ADGRB3: variants seen among roughly 807,000 people sequenced by gnomAD.
ADGRB3 encodes adhesion G protein-coupled receptor B3.
In ADGRB3, 37 loss-of-function variants were observed where a neutral mutation model predicts 193.4. That is an observed-to-expected ratio of 0.19 (90% CI 0.15 to 0.25). The LOEUF is 0.25. Among genes scored for constraint, ADGRB3 ranks in the 10% least tolerant of loss-of-function variants. ADGRB3 has a pLI of 1.00. For synonymous variants in ADGRB3, 690 were observed against 644.2 expected (o/e 1.07, Z -1.08); for missense variants, 1,637 against 1,852.9 (o/e 0.88, Z 2.14).
chr6:69,339,300 A>G (rs1168038131), intron 25 of ADGRB3, 33 bp from the exon 26 acceptor site: 3 of 1,605,936 alleles, frequency 1.9e-6, no homozygotes, highest in Middle Eastern at 1.7e-4. Context: ...TGTGATGTAT[A>G]GCTACGTAAT....
chr6:68,800,070 C>A (rs1443005173), intron 3 of ADGRB3, among the ~76,000 whole-genome samples: 1 of 151,956 alleles, frequency 6.6e-6, no homozygotes, highest in African/African-American at 2.4e-5. Context: ...TAAGAGTGTA[C>A]CCAGAGAGAC....
At chr6:68,871,075 G>A (rs1337100535) in intron 3 of ADGRB3, among the ~76,000 whole-genome samples, 1 of 152,134 alleles carries the variant, frequency 6.6e-6, no homozygotes, top group Non-Finnish European at 1.5e-5. Flanking sequence ...TCTTGAATAT[G>A]AGGAATGTAC....
chr6:69,071,549 T>C (rs1018436362), intron 16 of ADGRB3, among the ~76,000 whole-genome samples: 1 of 152,188 alleles, frequency 6.6e-6, no homozygotes, highest in Non-Finnish European at 1.5e-5. Flanking sequence ...TTTTAAATGC[T>C]TAAAAGTGAG....
At chr6:69,100,905 C>T (rs114245485) in intron 17 of ADGRB3, among the ~76,000 whole-genome samples, 1 of 11,018 alleles carries the variant, frequency 9.1e-5, no homozygotes, top group Non-Finnish European at 1.5e-4. Context: ...AAGGAAGAAG[C>T]GAGGGAGGGA....
chr6:69,276,018 T>C (rs1469398074), intron 20 of ADGRB3, among the ~76,000 whole-genome samples: 1 of 152,202 alleles, frequency 6.6e-6, no homozygotes, highest in Non-Finnish European at 1.5e-5. Context: ...ATTTACTAAG[T>C]TCTTTGGATG....
chr6:69,114,626 GGTTTT>G lies in ADGRB3; in HGVS notation c.2480+38589_2480+38593del, dbSNP rs1161222525. ...TGGTATTGCCTAGGCTTTCTTCTAG[GGTTTT>G]TATGGTTTTAGGTCTTATGTTTAAG... On this transcript the variant is annotated intron_variant, in intron 17 of 31. Coordinates refer to ENST00000370598, the MANE Select transcript of ADGRB3 (RefSeq NM_001704.3). Among the ~76,000 whole-genome samples, 234 of 152,162 alleles carry G rather than the reference GGTTTT, an allele frequency of 1.5e-3. 3 individuals carry two copies. The highest frequency in any genetic ancestry group is 5.2e-3 in the African/African-American group (217 of 41,518).
At chr6:68,709,127 A>C (rs1014232508) in intron 3 of ADGRB3, among the ~76,000 whole-genome samples, 2 of 152,240 alleles carry the variant, frequency 1.3e-5, no homozygotes, top group Non-Finnish European at 2.9e-5. Flanking sequence ...AATTTAAAAC[A>C]GAAGATAATT....
chr6:69,027,573 A>C (rs938358492), intron 13 of ADGRB3, among the ~76,000 whole-genome samples: 6 of 152,238 alleles, frequency 3.9e-5, no homozygotes, highest in Non-Finnish European at 7.3e-5. Context: ...CAGGTGACCA[A>C]AACATCATGT....
intron 13 of ADGRB3, among the ~76,000 whole-genome samples, chr6:69,031,549 CTT>C (rs70987446): frequency 9.9e-4 from 20 of 20,222 alleles, no homozygotes; most frequent in African/African-American, 1.4e-3. Context: ...TTCTTTCTTT[CTT>C]TTTCTTTCTT....
chr6:68,636,958 CAAAAAA>C (rs34410124), intron 1 of ADGRB3, among the ~76,000 whole-genome samples: 1 of 119,662 alleles, frequency 8.4e-6, no homozygotes, highest in Non-Finnish European at 1.7e-5. Flanking sequence ...AGTGCAACAC[CAAAAAA>C]AAAAAAAAAA....
chr6:68,981,742 G>T (rs1254004009), intron 10 of ADGRB3, among the ~76,000 whole-genome samples: 2 of 151,460 alleles, frequency 1.3e-5, no homozygotes, highest in Non-Finnish European at 3.0e-5. Context: ...GATTTGGCCT[G>T]CAGGCTGTAG....
At chr6:68,904,612 T>G (rs1023981470) in intron 3 of ADGRB3, among the ~76,000 whole-genome samples, 7 of 152,210 alleles carry the variant, frequency 4.6e-5, no homozygotes, top group Admixed American at 3.9e-4. Flanking sequence ...AAAATTTACC[T>G]TGGTGATTCT....
chr6:69,300,673 C>A (rs1012854052), intron 20 of ADGRB3, among the ~76,000 whole-genome samples: 1 of 151,650 alleles, frequency 6.6e-6, no homozygotes, highest in African/African-American at 2.4e-5. Flanking sequence ...ATGCTACTGG[C>A]AAACAATCTG....
At chr6:69,300,599 G>A (rs1035403593) in intron 20 of ADGRB3, among the ~76,000 whole-genome samples, 1 of 151,692 alleles carries the variant, frequency 6.6e-6, no homozygotes, top group Non-Finnish European at 1.5e-5. Flanking sequence ...TATTAGAACT[G>A]ATAAACAAAT....
At chr6:68,847,449 A>G (rs537403786) in intron 3 of ADGRB3, among the ~76,000 whole-genome samples, 15 of 152,286 alleles carry the variant, frequency 9.8e-5, no homozygotes, top group African/African-American at 3.4e-4. Flanking sequence ...GAATTCCCAC[A>G]TGTTGTGGAT....
chr6:69,003,321 G>A (rs575781800), intron 11 of ADGRB3, among the ~76,000 whole-genome samples: 4 of 152,226 alleles, frequency 2.6e-5, no homozygotes, highest in African/African-American at 9.6e-5. Context: ...AGGGAGTGTG[G>A]GCACTGCTTT....
intron 3 of ADGRB3, among the ~76,000 whole-genome samples, chr6:68,827,728 G>A (rs1050973455): frequency 1.2e-4 from 19 of 152,072 alleles, no homozygotes; most frequent in Non-Finnish European, 2.1e-4. Context: ...CTACAAGATG[G>A]TCAGAAGTGG....
At chr6:69,069,746 A>AAG (rs1361750849) in intron 16 of ADGRB3, among the ~76,000 whole-genome samples, 4 of 134,522 alleles carry the variant, frequency 3.0e-5, no homozygotes, top group Admixed American at 8.6e-5. Flanking sequence ...AAAAAAAAAA[A>AAG]AAAAGAAAGA....
intron 3 of ADGRB3, among the ~76,000 whole-genome samples, chr6:68,917,671 A>G (rs772369079): frequency 6.6e-6 from 1 of 152,146 alleles, no homozygotes; most frequent in Non-Finnish European, 1.5e-5. Flanking sequence ...CTCAAAAATT[A>G]TTTCCAAAAT....
Sources: gnomAD v4.1 joint callset for allele counts (sites outside exome capture counted in the v4.1 genomes callset) on GRCh38, gnomAD v4.1.1 for gene constraint, MANE v1.5 for transcripts, NCBI Gene and HGNC (gene_info 2026-07-23, HGNC 2026-07-21) for gene names.